The following MBNL2 variants were observed in gnomAD, a reference collection of about 807,000 sequenced individuals.
MBNL2 encodes the protein muscleblind like splicing regulator 2.
In MBNL2, 17 loss-of-function variants were observed where a neutral mutation model predicts 41.9. That is an observed-to-expected ratio of 0.41 (90% confidence interval 0.28 to 0.61). MBNL2 has a LOEUF of 0.61. Among genes scored for constraint, MBNL2 ranks in the 20% least tolerant of loss-of-function variants. MBNL2 has a pLI of 0.35. For synonymous variants in MBNL2, 195 were observed against 182.9 expected (o/e 1.07, Z -0.53); for missense variants, 336 against 505.6 (o/e 0.66, Z 3.22).
In MBNL2 at chr13:97,267,022, C is replaced by G. The variant is rs7336247; in HGVS notation, c.-604-8610C>G. Reference sequence around the variant, plus strand: ...GGAACTGTGTGCTGCAGAATTATTTCCCTTAAGGTGGTCTGAAATTTTGAT... The same window carrying G: ...GGAACTGTGTGCTGCAGAATTATTTGCCTTAAGGTGGTCTGAAATTTTGAT... On this transcript the variant is annotated intron_variant, in intron 1 of 8. Coordinates refer to ENST00000679496, the MANE Select transcript of MBNL2 (RefSeq NM_001382683.1). Among the ~76,000 whole-genome samples, 726 of 152,292 alleles carry G rather than the reference C, an allele frequency of 4.8e-3. 6 individuals carry two copies. The highest frequency in any genetic ancestry group is 0.017 in the African/African-American group (687 of 41,570).
intron 1 of MBNL2, among the ~76,000 whole-genome samples, chr13:97,247,088 A>C (rs529110290): frequency 6.6e-6 from 1 of 152,350 alleles, no homozygotes; most frequent in Non-Finnish European, 1.5e-5. Context: ...TTAATGAGAT[A>C]ATGCATGCTA....
intron 8 of MBNL2, among the ~76,000 whole-genome samples, chr13:97,369,099 G>T (rs75543784): frequency 0.016 from 2,420 of 152,238 alleles, 60 homozygotes; most frequent in African/African-American, 0.048. Flanking sequence ...TTCCAGATAT[G>T]ATATTCTTTA....
rs571470684 is a variant in MBNL2, at chr13:97,372,381, T to C, written c.1048+7210T>C. Among the ~76,000 whole-genome samples the C allele has an allele frequency of 8.5e-5, 13 of 152,206 alleles. No homozygotes were observed. In the South Asian group the frequency reaches 2.5e-3, roughly 29 times the overall value. On this transcript the variant is annotated intron_variant, in intron 8 of 8. Transcript: ENST00000679496. ...GAGAGTTGGCCTTAGGAAGAATTTA[T>C]TGGAAATTAGTTGATAATATGTCAT... is the stretch of plus-strand genomic sequence containing the variant.
chr13:97,295,590 G>A (rs1489173099), intron 2 of MBNL2, among the ~76,000 whole-genome samples: 3 of 152,096 alleles, frequency 2.0e-5, no homozygotes, highest in African/African-American at 4.8e-5. Context: ...AGGGTGTTGA[G>A]CTGCAACGTG....
At chr13:97,147,257 G>C in the MBNL2 span, among the ~76,000 whole-genome samples, 1 of 152,198 alleles carries the variant, frequency 6.6e-6, no homozygotes, top group Non-Finnish European at 1.5e-5. Context: ...TAGATACTTA[G>C]AGGAATGTTT....
chr13:97,198,724 A>G, the MBNL2 span, among the ~76,000 whole-genome samples: 1 of 151,938 alleles, frequency 6.6e-6, no homozygotes, highest in East Asian at 1.9e-4. Context: ...TGGAACCATC[A>G]TTGGCTTCTC....
chr13:97,297,591 A>C (rs1187406794), intron 2 of MBNL2, among the ~76,000 whole-genome samples: 1 of 152,070 alleles, frequency 6.6e-6, no homozygotes, highest in Non-Finnish European at 1.5e-5. Context: ...CTGTCCCTTC[A>C]TGTCTCCTGC....
intron 2 of MBNL2, among the ~76,000 whole-genome samples, chr13:97,323,221 A>T (rs987198207): frequency 1.3e-5 from 2 of 152,228 alleles, no homozygotes; most frequent in Admixed American, 6.5e-5. Flanking sequence ...AATCAGTTTG[A>T]AAAAGGCTGT....
intron 8 of MBNL2, among the ~76,000 whole-genome samples, chr13:97,371,884 CCAGCA>C (rs1400232693): frequency 2.0e-5 from 3 of 152,222 alleles, no homozygotes; most frequent in Non-Finnish European, 2.9e-5. Context: ...TCAGTCCCTG[CCAGCA>C]CAGCAGTTGT....
the MBNL2 span, among the ~76,000 whole-genome samples, chr13:97,176,506 A>G: frequency 3.9e-5 from 6 of 152,176 alleles, no homozygotes; most frequent in Admixed American, 3.9e-4. Context: ...AGCCCTGCCC[A>G]TGTGAACCTC....
intron 2 of MBNL2, among the ~76,000 whole-genome samples, chr13:97,318,741 C>T (rs995643450): frequency 6.6e-6 from 1 of 152,178 alleles, no homozygotes; most frequent in African/African-American, 2.4e-5. Context: ...AGACTTCTTC[C>T]ACAGTTTACA....
chr13:97,293,512 G>T (rs944235130), intron 2 of MBNL2, among the ~76,000 whole-genome samples: 1 of 152,120 alleles, frequency 6.6e-6, no homozygotes. Context: ...TAAGGTACAA[G>T]GTTATATCAG....
the MBNL2 span, chr13:97,179,483 G>C: frequency 6.6e-6 from 1 of 152,188 alleles, no homozygotes; most frequent in Non-Finnish European, 1.5e-5. Flanking sequence ...TCAGAGTCGG[G>C]GGTGGTCTTC....
chr13:97,153,607 C>T, the MBNL2 span, among the ~76,000 whole-genome samples: 4 of 152,018 alleles, frequency 2.6e-5, no homozygotes, highest in African/African-American at 9.7e-5. Flanking sequence ...AATAAAAAGA[C>T]CATTTAGGAA....
chr13:97,310,878 T>TTAGA (rs1312991044), intron 2 of MBNL2, among the ~76,000 whole-genome samples: 20 of 151,872 alleles, frequency 1.3e-4, no homozygotes, highest in Admixed American at 6.6e-5. Context: ...GAACTCTTTA[T>TTAGA]TAGATAGAAC....
chr13:97,317,204 T>C lies in MBNL2; in HGVS notation c.175-17072T>C, dbSNP rs533009652. The stretch of plus-strand genomic sequence containing the variant: ...TCAATTGGGCTTCAGTCCCGTGTGG[T>C]CCTATAAGTGTCACTCTGTTCCAGG... On this transcript the variant is annotated intron_variant, in intron 2 of 8. Transcript: ENST00000679496. 2.0e-5 allele frequency among the ~76,000 whole-genome samples: 3 copies of C among 152,266 alleles called. No homozygotes were observed. The East Asian group carries it at 5.8e-4, about 29-fold the overall frequency.
chr13:97,254,846 G>A (rs1045623655), intron 1 of MBNL2, among the ~76,000 whole-genome samples: 42 of 152,142 alleles, frequency 2.8e-4, no homozygotes, highest in African/African-American at 9.7e-4. Flanking sequence ...TCAGCAGCAG[G>A]AACAGCCCAG....
At chr13:97,245,195 G>C (rs1031970924) in intron 1 of MBNL2, among the ~76,000 whole-genome samples, 20 of 152,256 alleles carry the variant, frequency 1.3e-4, no homozygotes, top group Middle Eastern at 3.4e-3. Flanking sequence ...GTAAACTTTA[G>C]CCCAGTCTAT....
rs74108920 is a variant in MBNL2 at position 97,297,097 on chromosome 13, C to G, written c.174+20688C>G. 2.2e-3 allele frequency among the ~76,000 whole-genome samples: 331 copies of G among 152,286 alleles called. 1 individual carries two copies. Among genetic ancestry groups the G allele is most frequent in the African/African-American group, 7.7e-3 (318 of 41,564 alleles). ...TGAAGGTCAAAGTTGCTTTTCCACT[C>G]CTTCTGCACATTCATTTTCTACTTA... is the stretch of plus-strand genomic sequence containing the variant. On this transcript the variant is annotated intron_variant, in intron 2 of 8. Transcript: ENST00000679496.
Sources: gnomAD v4.1 joint callset for allele counts (sites outside exome capture counted in the v4.1 genomes callset) on GRCh38, gnomAD v4.1.1 for gene constraint, MANE v1.5 for transcripts, NCBI Gene and HGNC (gene_info 2026-07-23, HGNC 2026-07-21) for gene names.